The following CAMK1D variants were observed in gnomAD, a reference collection of about 807,000 sequenced individuals.
The protein encoded by CAMK1D is calcium/calmodulin-dependent protein kinase type 1D.
In CAMK1D, 9 loss-of-function variants were observed where a neutral mutation model predicts 47.7. That is an observed-to-expected ratio of 0.19 (90% CI 0.11 to 0.33). CAMK1D has a LOEUF of 0.33. Ranked by LOEUF, CAMK1D falls within the 10% of genes least tolerant of loss-of-function variation. CAMK1D has a pLI of 1.00. For synonymous variants in CAMK1D, 184 were observed against 184.9 expected (o/e 0.99, Z 0.04); for missense variants, 291 against 488.7 (o/e 0.60, Z 3.81).
intron 2 of CAMK1D, among the ~76,000 whole-genome samples, chr10:12,608,725 C>T (rs1022887902): frequency 3.3e-5 from 5 of 152,200 alleles, no homozygotes; most frequent in African/African-American, 7.2e-5. Context: ...TAAAATCCCG[C>T]GTCTCTTCTA....
chr10:12,758,142 A>G (rs575902298), intron 3 of CAMK1D, among the ~76,000 whole-genome samples: 119 of 151,602 alleles, frequency 7.8e-4, no homozygotes, highest in Non-Finnish European at 1.4e-3. Flanking sequence ...GAGCCACCAC[A>G]CCCGGCTGCA....
At chr10:12,466,147 G>A (rs550158931) in intron 1 of CAMK1D, among the ~76,000 whole-genome samples, 87 of 152,002 alleles carry the variant, frequency 5.7e-4, no homozygotes, top group Non-Finnish European at 1.1e-3. Flanking sequence ...GTGAGACACC[G>A]TCTCGAAAAA....
chr10:12,807,708 G>A (rs1192244609), intron 6 of CAMK1D, among the ~76,000 whole-genome samples: 1 of 152,146 alleles, frequency 6.6e-6, no homozygotes, highest in Non-Finnish European at 1.5e-5. Context: ...CCATGCTGGG[G>A]ACCTTTGAGG....
intron 2 of CAMK1D, among the ~76,000 whole-genome samples, chr10:12,563,676 A>G (rs960647270): frequency 2.9e-5 from 3 of 105,114 alleles, no homozygotes; most frequent in African/African-American, 9.3e-5. Flanking sequence ...AGAGAGAGAG[A>G]GAGAGAGAGA....
At chr10:12,377,709 A>G (rs1838223914) in intron 1 of CAMK1D, among the ~76,000 whole-genome samples, 1 of 152,188 alleles carries the variant, frequency 6.6e-6, no homozygotes, top group Non-Finnish European at 1.5e-5. Context: ...CATATTTTTA[A>G]TGATTGGAGA....
chr10:12,542,280 T>TG (rs552258853), intron 1 of CAMK1D, among the ~76,000 whole-genome samples: 5 of 152,122 alleles, frequency 3.3e-5, no homozygotes, highest in East Asian at 3.8e-4. Context: ...GGTCGGAGGC[T>TG]GGGGGGTAAC....
intron 6 of CAMK1D, among the ~76,000 whole-genome samples, chr10:12,791,437 A>G (rs1837974721): frequency 1.3e-5 from 2 of 152,140 alleles, no homozygotes; most frequent in Non-Finnish European, 1.5e-5. Context: ...GAACTTTTCC[A>G]TCACCCCAAA....
At chr10:12,538,655 A>G (rs1323901742) in intron 1 of CAMK1D, among the ~76,000 whole-genome samples, 1 of 152,306 alleles carries the variant, frequency 6.6e-6, no homozygotes, top group Admixed American at 6.5e-5. Flanking sequence ...GGTGCAGGCC[A>G]GTTGCTAGGC....
At chr10:12,737,872 A>G (rs1835254403) in intron 3 of CAMK1D, among the ~76,000 whole-genome samples, 1 of 152,238 alleles carries the variant, frequency 6.6e-6, no homozygotes, top group Non-Finnish European at 1.5e-5. Context: ...GTTGTATAAT[A>G]TGAGACTCCT....
chr10:12,495,193 A>T (rs1269454783), intron 1 of CAMK1D, among the ~76,000 whole-genome samples: 1 of 152,258 alleles, frequency 6.6e-6, no homozygotes, highest in African/African-American at 2.4e-5. Context: ...TGAATTTCTC[A>T]GAACAAAAAT....
intron 3 of CAMK1D, among the ~76,000 whole-genome samples, chr10:12,712,602 G>A (rs768697856): frequency 2.0e-4 from 31 of 152,234 alleles, no homozygotes; most frequent in African/African-American, 4.1e-4. Context: ...GGGCTCTGGC[G>A]TCTCTTCTTA....
At chr10:12,662,301 G>A (rs1260052372) in intron 2 of CAMK1D, among the ~76,000 whole-genome samples, 2 of 152,160 alleles carry the variant, frequency 1.3e-5, no homozygotes, top group Non-Finnish European at 2.9e-5. Flanking sequence ...CAGAATGATT[G>A]GATTTAATGA....
chr10:12,715,479 G>A (rs1481913897), intron 3 of CAMK1D, among the ~76,000 whole-genome samples: 1 of 152,204 alleles, frequency 6.6e-6, no homozygotes, highest in African/African-American at 2.4e-5. Context: ...CTGCTCTGTA[G>A]ATGGATACAG....
At chr10:12,563,686 AGAGAGAGAGAGAGG>A (rs67951866) in intron 2 of CAMK1D, among the ~76,000 whole-genome samples, 43,801 of 143,590 alleles carry the variant, frequency 0.31, 7,067 homozygotes, top group Non-Finnish European at 0.39. Flanking sequence ...AGAGAGAGAG[AGAGAGAGAGAGAGG>A]GAGAGAGAGG....
chr10:12,508,297 C>T lies in CAMK1D; in HGVS notation c.93-44928C>T, dbSNP rs559208861. On this transcript the variant is annotated intron_variant, in intron 1 of 10. Coordinates refer to ENST00000619168, the MANE Select transcript of CAMK1D (RefSeq NM_153498.4). ...AAGAGCAAACAAAATGTGGTCTCTC[C>T]ATGCAGTGGAATATTATGCAACCTT... Among the ~76,000 whole-genome samples the T allele has an allele frequency of 7.2e-5, 11 of 152,354 alleles. No homozygotes were observed. In the East Asian group the frequency reaches 1.5e-3, roughly 21 times the overall value.
intron 2 of CAMK1D, among the ~76,000 whole-genome samples, chr10:12,600,330 G>A (rs960576698): frequency 1.1e-4 from 17 of 152,182 alleles, no homozygotes; most frequent in African/African-American, 4.1e-4. Flanking sequence ...CAGAAACAAT[G>A]GAATGAAACA....
At chr10:12,699,683 G>C (rs1321579719) in intron 3 of CAMK1D, among the ~76,000 whole-genome samples, 1 of 145,144 alleles carries the variant, frequency 6.9e-6, no homozygotes, top group Non-Finnish European at 1.5e-5. Flanking sequence ...TTTTTTCCTT[G>C]CTGATTGATG....
rs1160979505 is a variant in CAMK1D, at chr10:12,694,358, T to A, written c.299+27548T>A. 3.7e-3 allele frequency among the ~76,000 whole-genome samples: 304 copies of A among 82,586 alleles called. 14 individuals carry two copies. The highest frequency in any genetic ancestry group is 7.5e-3 in the South Asian group (17 of 2,262). 54.2% of individuals were successfully genotyped at this position (82,586 alleles called of 152,430 possible). A position where few individuals can be genotyped will look rare whatever the true frequency, so the allele number is the denominator to read the frequency against. ...TATATAATATATAACATATATATGT[T>A]ATATGTTATATATAAAATATAAAAT... is the stretch of plus-strand genomic sequence containing the variant. On this transcript the variant is annotated intron_variant, in intron 3 of 10. Transcript: ENST00000619168.
chr10:12,371,057 G>C (rs1837988135), intron 1 of CAMK1D, among the ~76,000 whole-genome samples: 1 of 152,098 alleles, frequency 6.6e-6, no homozygotes, highest in Non-Finnish European at 1.5e-5. Context: ...AAAAAGTTAA[G>C]TTACAGTAAG....
Sources: gnomAD v4.1 joint callset for allele counts (sites outside exome capture counted in the v4.1 genomes callset) on GRCh38, gnomAD v4.1.1 for gene constraint, MANE v1.5 for transcripts, NCBI Gene and HGNC (gene_info 2026-07-23, HGNC 2026-07-21) for gene names.